Variants in ARNT observed in about 807,000 individuals in gnomAD.
ARNT encodes class E basic helix-loop-helix protein 2.
In ARNT, 30 loss-of-function variants were observed where a neutral mutation model predicts 105.0. The observed-to-expected ratio is 0.29, with a 90% CI of 0.21 to 0.39. The LOEUF (loss-of-function observed/expected upper bound fraction) is 0.39. ARNT is among the 10% of genes least tolerant of loss of function. ARNT has a pLI of 1.00. For missense variants in ARNT, 748 were observed against 978.7 expected (o/e 0.76, Z 3.15); for synonymous variants, 304 against 344.0 (o/e 0.88, Z 1.29).
At chr1:150,821,828 CTTTTT>C (rs367766946) in intron 14 of ARNT, among the ~76,000 whole-genome samples, 150 of 114,866 alleles carry the variant, frequency 1.3e-3, no homozygotes, top group African/African-American at 3.2e-3. Flanking sequence ...TTTGTATTTT[CTTTTT>C]TTTTTTTTTT....
At chr1:150,848,969 C>T (rs761972045) in intron 3 of ARNT, among the ~76,000 whole-genome samples, 2 of 151,998 alleles carry the variant, frequency 1.3e-5, no homozygotes. Context: ...TTTGGGAGGC[C>T]GAGGTGGGCG....
chr1:150,845,055 C>T (rs1453620076), intron 4 of ARNT, among the ~76,000 whole-genome samples: 1 of 152,094 alleles, frequency 6.6e-6, no homozygotes, highest in Non-Finnish European at 1.5e-5. Context: ...AGTGATCCAC[C>T]TGCATCTGCC....
At chr1:150,812,187 C>A in intron 21 of ARNT, 77 bp from the exon 22 acceptor site, 3 of 1,069,484 alleles carry the variant, frequency 2.8e-6, no homozygotes, top group Non-Finnish European at 3.9e-6. Flanking sequence ...CCACCATTCC[C>A]CTGCACTACC....
intron 14 of ARNT, among the ~76,000 whole-genome samples, chr1:150,819,164 G>A (rs1656554532): frequency 6.6e-6 from 1 of 151,438 alleles, no homozygotes; most frequent in Non-Finnish European, 1.5e-5. Flanking sequence ...CAATTCTACA[G>A]AAAGAAAAGA....
intron 6 of ARNT, 59 bp from the exon 7 acceptor site, chr1:150,836,552 T>C: frequency 6.6e-7 from 1 of 1,525,486 alleles, no homozygotes; most frequent in Non-Finnish European, 8.8e-7. Flanking sequence ...AGTATTTCTA[T>C]TCACAGGAAG....
Position 150,828,352 on chromosome 1 carries a change from T to G in ARNT, c.1167+741A>C, listed in dbSNP as rs1426067882. ...TTTTTGGGTGTGGTTTTTTTTTTGT[T>G]TTTTTTTTTTTTTGCATACAGATAT... is the stretch of plus-strand genomic sequence containing the variant. On this transcript the variant is annotated intron_variant, in intron 12 of 21. Coordinates refer to ENST00000358595, the MANE Select transcript of ARNT (RefSeq NM_001668.4). Among the ~76,000 whole-genome samples, 94 of 3,928 alleles carry G rather than the reference T, an allele frequency of 0.024. No homozygotes were observed. The Non-Finnish European group carries it at 0.46, about 19-fold the overall frequency. The allele number at this position is 3,928 out of a possible 152,430, so 2.6% of individuals were successfully genotyped here.
At chr1:150,870,327 A>G (rs1667234365) in intron 1 of ARNT, among the ~76,000 whole-genome samples, 1 of 152,216 alleles carries the variant, frequency 6.6e-6, no homozygotes, top group Non-Finnish European at 1.5e-5. Context: ...AATTAGTTTT[A>G]TCCCTTCAAA....
At chr1:150,851,601 G>A (rs910282150) in intron 3 of ARNT, among the ~76,000 whole-genome samples, 4 of 152,200 alleles carry the variant, frequency 2.6e-5, no homozygotes, top group African/African-American at 9.7e-5. Flanking sequence ...GTCCACTCAG[G>A]GTTAAATGGA....
Position 150,860,218 on chromosome 1 carries a change from C to CT in ARNT, c.26-1759dup, listed in dbSNP as rs756996050. Among the ~76,000 whole-genome samples the CT allele has an allele frequency of 1.4e-3, 162 of 112,986 alleles. 4 individuals carry two copies. Among genetic ancestry groups the CT allele is most frequent in the Admixed American group, 1.9e-3 (18 of 9,550 alleles). The allele number at this position is 112,986 out of a possible 152,430, so 74.1% of individuals were successfully genotyped here. A position where few individuals can be genotyped will look rare whatever the true frequency, so the allele number is the denominator to read the frequency against. Reference sequence around the variant, plus strand: ...CCCATGGAATAGAAAAAAAAAAATTCTTTTTTTTTTTTTTTGAGTTAGAGT... The same window carrying CT: ...CCCATGGAATAGAAAAAAAAAAATTCTTTTTTTTTTTTTTTTGAGTTAGAGT... On this transcript the variant is annotated intron_variant, in intron 1 of 21. Coordinates refer to ENST00000358595, the MANE Select transcript of ARNT (RefSeq NM_001668.4).
intron 1 of ARNT, among the ~76,000 whole-genome samples, chr1:150,862,342 T>C (rs762542824): frequency 1.2e-4 from 18 of 152,132 alleles, no homozygotes; most frequent in Admixed American, 2.0e-4. Context: ...AAGGAGGTTA[T>C]ACCAATTTAA....
chr1:150,875,541 A>G (rs987075659), intron 1 of ARNT, among the ~76,000 whole-genome samples: 2 of 152,108 alleles, frequency 1.3e-5, no homozygotes, highest in Non-Finnish European at 2.9e-5. Flanking sequence ...AAGGCTATCA[A>G]ATATATTGGT....
intron 6 of ARNT, among the ~76,000 whole-genome samples, chr1:150,838,497 T>C (rs999045795): frequency 2.6e-5 from 4 of 152,248 alleles, no homozygotes; most frequent in African/African-American, 9.7e-5. Context: ...TTAGAACATA[T>C]TAACTATTTC....
intron 1 of ARNT, chr1:150,861,329 C>CAAA: frequency 5.5e-6 from 2 of 366,168 alleles, no homozygotes; most frequent in Non-Finnish European, 5.3e-6. Context: ...GACAACATCG[C>CAAA]AAAAAAAAAA....
intron 1 of ARNT, among the ~76,000 whole-genome samples, chr1:150,862,122 C>G (rs1052040778): frequency 6.6e-6 from 1 of 152,110 alleles, no homozygotes; most frequent in Admixed American, 6.5e-5. Flanking sequence ...TAAATACACA[C>G]GTAGATCATT....
chr1:150,855,727 C>T (rs886719001), intron 2 of ARNT, among the ~76,000 whole-genome samples: 13 of 149,568 alleles, frequency 8.7e-5, no homozygotes, highest in African/African-American at 1.2e-4. Context: ...CGTAGTGAGA[C>T]CATGTCTTTA....
At chr1:150,862,416 A>C (rs1665795548) in intron 1 of ARNT, among the ~76,000 whole-genome samples, 1 of 152,114 alleles carries the variant, frequency 6.6e-6, no homozygotes, top group Admixed American at 6.6e-5. Flanking sequence ...GAATCCTTCA[A>C]ATTTGTGGTC....
chr1:150,813,403 A>G, intron 20 of ARNT, 65 bp from the exon 21 acceptor site: 1 of 1,473,232 alleles, frequency 6.8e-7, no homozygotes, highest in South Asian at 1.5e-5. Context: ...TACTAATGCC[A>G]CAAGTAAACA....
At chr1:150,829,449 G>A in intron 11 of ARNT, 3 of 603,372 alleles carry the variant, frequency 5.0e-6, no homozygotes, top group Non-Finnish European at 8.8e-6. Flanking sequence ...AGTTAGTAAA[G>A]TAAGAATAAA....
At position 150,811,722 on chromosome 1, in the gene ARNT, A is replaced by G. The variant is rs1654767153; in HGVS notation, c.*299T>C. ...TTCTTCTAACCTGCCTCTTGATCTC[A>G]GCACAAATCAACACTATACAATTTC... On this transcript the variant is annotated 3_prime_UTR_variant, in exon 22 of 22. Coordinates refer to ENST00000358595, the MANE Select transcript of ARNT (RefSeq NM_001668.4). 3.8e-6 allele frequency: 1 copy of G among 259,970 alleles called. No homozygotes were observed. The highest frequency in any genetic ancestry group is 7.3e-6 in the Non-Finnish European group (1 of 136,218). 16.1% of individuals were successfully genotyped at this position (259,970 alleles called of 1,614,324 possible).
Sources: gnomAD v4.1 joint callset for allele counts (sites outside exome capture counted in the v4.1 genomes callset) on GRCh38, gnomAD v4.1.1 for gene constraint, MANE v1.5 for transcripts, NCBI Gene and HGNC (gene_info 2026-07-23, HGNC 2026-07-21) for gene names.